Variants in SLC12A1 observed in about 807,000 individuals in gnomAD.
SLC12A1 encodes the protein Na-K-2Cl cotransporter.
SLC12A1 carries 89 observed loss-of-function variants against 130.4 expected under a neutral mutation model. The observed-to-expected ratio is 0.68, with a 90% CI of 0.58 to 0.81. SLC12A1 has a LOEUF of 0.81. Among genes scored for constraint, SLC12A1 ranks in the 40% least tolerant of loss-of-function variants. The pLI, the probability that SLC12A1 is intolerant of heterozygous loss-of-function variation, is 0.00. For missense variants in SLC12A1, 1,310 were observed against 1,336.4 expected, an observed-to-expected ratio of 0.98 and a Z score of 0.31; for synonymous variants, 499 against 460.0, an observed-to-expected ratio of 1.08 and a Z score of -1.09.
In SLC12A1 at chr15:48,229,362, A is replaced by C. The variant is rs372344805; in HGVS notation, c.864+34A>C. The C allele has an allele frequency of 2.6e-6, 4 of 1,560,236 alleles. No individual in the cohort carries two copies. The African/African-American group carries it at 5.4e-5, about 21-fold the overall frequency. On this transcript the variant is annotated intron_variant, in intron 6 of 26. Coordinates refer to ENST00000380993, the MANE Select transcript of SLC12A1 (RefSeq NM_000338.3). ...AAGCTTTTCTTTTTTTCTGCCAAGC[A>C]GCATAATTTAGTTTAGTTTGCCTTC...
At chr15:48,221,568 C>T (rs2041216670) in intron 4 of SLC12A1, 2 of 457,086 alleles carry the variant, frequency 4.4e-6, no homozygotes, top group South Asian at 5.2e-5. Context: ...ATGTGCATTA[C>T]TGTTATTTTT....
intron 23 of SLC12A1, among the ~76,000 whole-genome samples, chr15:48,289,684 C>T (rs2042099836): frequency 6.6e-6 from 1 of 151,874 alleles, no homozygotes; most frequent in Admixed American, 6.6e-5. Flanking sequence ...AAATGTGACA[C>T]AATGGTAAAT....
At chr15:48,215,051 A>G (rs959403516) in intron 2 of SLC12A1, among the ~76,000 whole-genome samples, 1 of 151,968 alleles carries the variant, frequency 6.6e-6, no homozygotes, top group Non-Finnish European at 1.5e-5. Flanking sequence ...AAGAATAAAT[A>G]TATTTATTTT....
chr15:48,268,636 T>C (rs1192711317), intron 18 of SLC12A1, among the ~76,000 whole-genome samples: 1 of 152,208 alleles, frequency 6.6e-6, no homozygotes, highest in African/African-American at 2.4e-5. Flanking sequence ...GCGAAGTAGA[T>C]GCACGTACAG....
rs145027128 is a variant in SLC12A1, at chr15:48,246,189, T to G, written c.1453-720T>G. Among the ~76,000 whole-genome samples the G allele has an allele frequency of 3.0e-3, 455 of 152,210 alleles. 2 individuals are homozygous for G. The highest frequency in any genetic ancestry group is 0.01 in the African/African-American group (435 of 41,536). On this transcript the variant is annotated intron_variant, in intron 11 of 26. Coordinates refer to ENST00000380993, the MANE Select transcript of SLC12A1 (RefSeq NM_000338.3). ...AAATTATGTTTAATGAGCACAGAAA[T>G]AGCAAAGGTCTGAAAAGCCTCTGTG...
chr15:48,266,578 A>G (rs1258375968), intron 17 of SLC12A1, among the ~76,000 whole-genome samples: 1 of 152,112 alleles, frequency 6.6e-6, no homozygotes, highest in Non-Finnish European at 1.5e-5. Flanking sequence ...GAAATGCAAA[A>G]TATTGAGCCC....
chr15:48,234,107 C>T (rs528677844), intron 8 of SLC12A1, among the ~76,000 whole-genome samples: 8 of 152,290 alleles, frequency 5.3e-5, no homozygotes, highest in Non-Finnish European at 8.8e-5. Flanking sequence ...TAGACTCACA[C>T]ACAAGGTTCT....
rs758471797 is a variant in SLC12A1 at position 48,274,664 on chromosome 15, T to G, written c.2485+11T>G. The stretch of plus-strand genomic sequence containing the variant: ...TTCTTCAGGTGCAAGGTATGTACTT[T>G]CTTTATTCAACCAACAAGTATTTAT... On this transcript the variant is annotated intron_variant, in intron 20 of 26. Coordinates refer to ENST00000380993, the MANE Select transcript of SLC12A1 (RefSeq NM_000338.3). The G allele has an allele frequency of 1.3e-6, 2 of 1,590,968 alleles. No homozygotes were observed. Among genetic ancestry groups the G allele is most frequent in the South Asian group, 2.2e-5 (2 of 90,310 alleles).
At chr15:48,241,472 A>G (rs1226961354) in intron 9 of SLC12A1, 43 bp from the exon 10 acceptor site, 2 of 1,416,152 alleles carry the variant, frequency 1.4e-6, no homozygotes, top group African/African-American at 2.8e-5. Context: ...TATGGTTCTT[A>G]TTCTGCTCTG....
At chr15:48,254,366 A>C (rs748109471) in intron 15 of SLC12A1, among the ~76,000 whole-genome samples, 1 of 152,036 alleles carries the variant, frequency 6.6e-6, no homozygotes. Flanking sequence ...TTTTATCCCT[A>C]TAAAAATAAA....
chr15:48,281,195 C>T (rs1334589537), intron 20 of SLC12A1, among the ~76,000 whole-genome samples: 1 of 152,104 alleles, frequency 6.6e-6, no homozygotes, highest in Admixed American at 6.6e-5. Context: ...TTGCATTTTC[C>T]AATGGGAATA....
Position 48,288,443 on chromosome 15 carries a change from A to C in SLC12A1, c.2800A>C (p.Lys934Gln), listed in dbSNP as rs2042082971. The C allele has an allele frequency of 6.4e-6, 10 of 1,552,224 alleles. No individual in the cohort carries two copies. Among genetic ancestry groups the C allele is most frequent in the Non-Finnish European group, 7.9e-6 (9 of 1,144,504 alleles). ...TATCCCCTATATCTTAACTCTCAGA[A>C]AAAAATGGAAAGACTGTAAATTAAG... ...LLIPYILTLR[K>Q]KWKDCKLRIY... Residue 934 changes from lysine (K) to glutamine (Q), a missense_variant, in exon 23 of 27, where the codon AAA becomes CAA. Physicochemically the swap from Lys to Gln is moderately conservative, Grantham distance 53. Coordinates refer to ENST00000380993, the MANE Select transcript of SLC12A1 (RefSeq NM_000338.3).
At chr15:48,284,644 T>C (rs1355788633) in intron 20 of SLC12A1, among the ~76,000 whole-genome samples, 1 of 152,208 alleles carries the variant, frequency 6.6e-6, no homozygotes, top group Non-Finnish European at 1.5e-5. Context: ...CATTACTTTT[T>C]CTCTTTTCTT....
At chr15:48,288,553 G>A (rs1168992325) in intron 23 of SLC12A1, 37 bp downstream of exon 23, 1 of 967,272 alleles carries the variant, frequency 1.0e-6, no homozygotes, top group South Asian at 1.4e-5. Context: ...GGTCATTTCA[G>A]AGGTTTGTTG....
At position 48,303,021 on chromosome 15, in the gene SLC12A1, G is replaced by A. The variant is rs139328190; in HGVS notation, c.*136G>A. ...GATCCTACCAGATTCTACATACATTGCATAATTTTTATCAGTTAATGCGAG... is the reference window on the plus strand; with the variant it reads ...GATCCTACCAGATTCTACATACATTACATAATTTTTATCAGTTAATGCGAG... On this transcript the variant is annotated 3_prime_UTR_variant, in exon 27 of 27. Transcript: ENST00000380993. 1.4e-3 allele frequency: 840 copies of A among 615,442 alleles called. No homozygotes were observed. The highest frequency in any genetic ancestry group is 4.9e-3 in the Middle Eastern group (11 of 2,266). 38.1% of individuals were successfully genotyped at this position (615,442 alleles called of 1,614,324 possible). A position where few individuals can be genotyped will look rare whatever the true frequency, so the allele number is the denominator to read the frequency against.
At chr15:48,249,821 G>A in intron 14 of SLC12A1, 145 bp downstream of exon 14, 1 of 622,278 alleles carries the variant, frequency 1.6e-6, no homozygotes, top group African/African-American at 1.8e-5. Flanking sequence ...TTATTTTGGT[G>A]AGTTTGGGGA....
At chr15:48,282,864 G>A (rs1440724981) in intron 20 of SLC12A1, among the ~76,000 whole-genome samples, 1 of 152,156 alleles carries the variant, frequency 6.6e-6, no homozygotes, top group Non-Finnish European at 1.5e-5. Flanking sequence ...TAAGCCACAG[G>A]AGGAAGGTCT....
intron 26 of SLC12A1, 92 bp downstream of exon 26, chr15:48,301,474 GA>G: frequency 1.4e-6 from 1 of 695,268 alleles, no homozygotes; most frequent in Non-Finnish European, 2.1e-6. Context: ...CTTCAGGTGG[GA>G]ATTTTGTTTT....
At chr15:48,238,982 C>G (rs2041470467) in intron 9 of SLC12A1, among the ~76,000 whole-genome samples, 1 of 152,168 alleles carries the variant, frequency 6.6e-6, no homozygotes, top group Non-Finnish European at 1.5e-5. Flanking sequence ...ACCCAGAAAG[C>G]AGGCATCTAA....
Sources: allele counts gnomAD v4.1 joint callset (sites outside exome capture counted in the v4.1 genomes callset), GRCh38; gene constraint gnomAD v4.1.1; transcripts MANE v1.5; gene names NCBI Gene and HGNC (gene_info 2026-07-23, HGNC 2026-07-21).